The following ABCA13 variants were observed in gnomAD, a reference collection of about 807,000 sequenced individuals.
ABCA13 encodes the protein ATP-binding cassette sub-family A member 13.
A neutral mutation model predicts 478.7 loss-of-function variants in ABCA13; 476 were observed. That is an observed-to-expected ratio of 0.99 (90% CI 0.92 to 1.07). ABCA13 has a LOEUF of 1.07. ABCA13 is among the 50% of genes least tolerant of loss of function. The pLI, the probability that ABCA13 is intolerant of heterozygous loss-of-function variation, is 0.00. For missense variants in ABCA13, 6,060 were observed against 5,910.6 expected (o/e 1.03, Z -0.83); for synonymous variants, 2,252 against 2,158.9 (o/e 1.04, Z -1.20).
rs1563084542 is a variant in ABCA13 at position 48,341,858 on chromosome 7, T to TATATATATATATCTTTCTG, written c.10204+3415_10204+3416insCTTTCTGATATATATATAT. Among the ~76,000 whole-genome samples the TATATATATATATCTTTCTG allele has an allele frequency of 2.3e-3, 200 of 86,700 alleles. 9 individuals are homozygous for TATATATATATATCTTTCTG. The highest frequency in any genetic ancestry group is 5.3e-3 in the South Asian group (13 of 2,464). The allele number at this position is 86,700 out of a possible 152,430, so 56.9% of individuals were successfully genotyped here. On this transcript the variant is annotated intron_variant, in intron 29 of 61. Transcript: ENST00000435803. Reference sequence around the variant, plus strand: ...GATATATATATATATATCTTTCTGATATATATATATATATCTTTCTGATAT... The same window carrying TATATATATATATCTTTCTG: ...GATATATATATATATATCTTTCTGATATATATATATATCTTTCTGATATATATATATATCTTTCTGATAT...
Position 48,274,448 on chromosome 7 carries a change from C to CT in ABCA13, c.4782_4783insT (p.Asn1595Ter), listed in dbSNP as rs777907333. 4 of 1,613,740 alleles carry CT rather than the reference C, an allele frequency of 2.5e-6. No individual in the cohort carries two copies. Among genetic ancestry groups the CT allele is most frequent in the Non-Finnish European group, 3.4e-6 (4 of 1,179,782 alleles). ...AAGAAAAGGATGTAAACAGTGTAGG[C>CT]AATTCCATTTATCACTTAGCTAGTT... On this transcript the variant is annotated frameshift_variant, in exon 17 of 62. Coordinates refer to ENST00000435803, the MANE Select transcript of ABCA13 (RefSeq NM_152701.5). LOFTEE classifies it high-confidence loss of function.
intron 32 of ABCA13, among the ~76,000 whole-genome samples, chr7:48,368,687 GTATA>G (rs201820250): frequency 0.067 from 8,244 of 122,628 alleles, 290 homozygotes; most frequent in East Asian, 0.16. Flanking sequence ...GTGTGTATGT[GTATA>G]TATATATATA....
chr7:48,586,577 A>G (rs993675947), intron 56 of ABCA13, among the ~76,000 whole-genome samples: 3 of 152,090 alleles, frequency 2.0e-5, no homozygotes, highest in South Asian at 2.1e-4. Context: ...TGGGAATCCA[A>G]AAGTGCGGAG....
At chr7:48,203,590 C>T (rs1025004667) in intron 3 of ABCA13, among the ~76,000 whole-genome samples, 2 of 151,724 alleles carry the variant, frequency 1.3e-5, no homozygotes, top group Non-Finnish European at 2.9e-5. Context: ...TCATTCCTGC[C>T]TTTGTTGGGG....
intron 52 of ABCA13, among the ~76,000 whole-genome samples, chr7:48,517,892 C>G (rs1433616694): frequency 7.9e-5 from 12 of 152,186 alleles, no homozygotes; most frequent in Admixed American, 7.9e-4. Flanking sequence ...TGCTGCAGTT[C>G]TCATTTCAAA....
At chr7:48,304,796 A>G (rs1316840740) in intron 23 of ABCA13, among the ~76,000 whole-genome samples, 1 of 152,256 alleles carries the variant, frequency 6.6e-6, no homozygotes, top group Non-Finnish European at 1.5e-5. Context: ...AAGGAACTGC[A>G]GCCAAATGAT....
chr7:48,614,394 G>A (rs1313996747), intron 58 of ABCA13, among the ~76,000 whole-genome samples: 1 of 151,398 alleles, frequency 6.6e-6, no homozygotes, highest in African/African-American at 2.4e-5. Flanking sequence ...AACAGGTGCT[G>A]GAGAGGATGT....
At chr7:48,338,555 C>T in intron 29 of ABCA13, 100 bp downstream of exon 29, 2 of 753,280 alleles carry the variant, frequency 2.7e-6, no homozygotes, top group Non-Finnish European at 4.1e-6. Flanking sequence ...AGGTGACTTC[C>T]AGCAAGTCAC....
chr7:48,296,906 T>C (rs1037062652), intron 21 of ABCA13, among the ~76,000 whole-genome samples: 1 of 152,236 alleles, frequency 6.6e-6, no homozygotes, highest in Non-Finnish European at 1.5e-5. Context: ...ACCCTGGCTA[T>C]CCTAATTTCT....
intron 59 of ABCA13, among the ~76,000 whole-genome samples, chr7:48,640,442 A>G (rs1253946409): frequency 1.3e-5 from 2 of 152,212 alleles, no homozygotes; most frequent in Non-Finnish European, 2.9e-5. Flanking sequence ...ATTAATTAAT[A>G]TATTACATTT....
In ABCA13 at chr7:48,297,213, T is replaced by G. The variant is rs764534408; in HGVS notation, c.9120-19T>G. The G allele has an allele frequency of 2.5e-6, 4 of 1,584,402 alleles. No homozygotes were observed. The highest frequency in any genetic ancestry group is 3.4e-6 in the Non-Finnish European group (4 of 1,163,102). On this transcript the variant is annotated intron_variant, in intron 21 of 61. Coordinates refer to ENST00000435803, the MANE Select transcript of ABCA13 (RefSeq NM_152701.5). ...TGTTTTAGCTTGCCTAATTTAGCTT[T>G]AATTTTCTGCCATTTTAGGTTGGCC... is the stretch of plus-strand genomic sequence containing the variant.
intron 55 of ABCA13, among the ~76,000 whole-genome samples, chr7:48,530,072 A>G (rs1833122395): frequency 6.6e-6 from 1 of 152,008 alleles, no homozygotes. Flanking sequence ...TCCTCTCCCA[A>G]CATTTCTCCC....
chr7:48,291,289 C>T lies in ABCA13; in HGVS notation c.8955+3211C>T, dbSNP rs1032144190. Among the ~76,000 whole-genome samples, 10 of 152,170 alleles carry T rather than the reference C, an allele frequency of 6.6e-5. 1 individual carries two copies. The highest frequency in any genetic ancestry group is 1.2e-4 in the African/African-American group (5 of 41,440). On this transcript the variant is annotated intron_variant, in intron 20 of 61. Transcript: ENST00000435803. The stretch of plus-strand genomic sequence containing the variant: ...GTCTGTACCCTTGAGCCCTGTCACA[C>T]GTTAGAAAATGGAGACGGGCTTGAG...
At chr7:48,399,126 A>C (rs1483607751) in intron 38 of ABCA13, among the ~76,000 whole-genome samples, 1 of 152,216 alleles carries the variant, frequency 6.6e-6, no homozygotes. Context: ...AATTGGCAGC[A>C]GCACATCTTA....
chr7:48,240,156 G>A (rs1487847533), intron 9 of ABCA13, among the ~76,000 whole-genome samples: 1 of 152,172 alleles, frequency 6.6e-6, no homozygotes, highest in East Asian at 1.9e-4. Flanking sequence ...AATCTCAAAT[G>A]GTAGATAAAA....
At chr7:48,323,749 C>A (rs1484254531) in intron 27 of ABCA13, among the ~76,000 whole-genome samples, 1 of 152,176 alleles carries the variant, frequency 6.6e-6, no homozygotes, top group Non-Finnish European at 1.5e-5. Context: ...TATGGTTTGG[C>A]TGTGCCCCCA....
chr7:48,347,334 G>A (rs1017006759), intron 29 of ABCA13, among the ~76,000 whole-genome samples: 6 of 152,084 alleles, frequency 3.9e-5, no homozygotes, highest in African/African-American at 9.7e-5. Flanking sequence ...GTTATTTCAC[G>A]GAATTTTCAC....
intron 36 of ABCA13, among the ~76,000 whole-genome samples, chr7:48,388,704 C>G (rs1815572562): frequency 6.6e-6 from 1 of 152,224 alleles, no homozygotes; most frequent in African/African-American, 2.4e-5. Context: ...CTCACGTCCT[C>G]AGGAGACTAT....
At chr7:48,360,760 A>C (rs1810695584) in intron 31 of ABCA13, among the ~76,000 whole-genome samples, 1 of 151,982 alleles carries the variant, frequency 6.6e-6, no homozygotes, top group South Asian at 2.1e-4. Context: ...CTACATACTC[A>C]TTTGGGAACT....
Sources: gnomAD v4.1 joint callset for allele counts (sites outside exome capture counted in the v4.1 genomes callset) on GRCh38, gnomAD v4.1.1 for gene constraint, MANE v1.5 for transcripts, NCBI Gene and HGNC (gene_info 2026-07-23, HGNC 2026-07-21) for gene names.